Variants in NEGR1 observed in about 807,000 individuals in gnomAD.
NEGR1 encodes IgLON family member 4.
In NEGR1, 10 loss-of-function variants were observed where a neutral mutation model predicts 40.9. The ratio of observed to expected loss-of-function variants is 0.24; its 90% CI spans 0.15 to 0.42. NEGR1 has a LOEUF of 0.42. Ranked by LOEUF, NEGR1 falls within the 10% of genes least tolerant of loss-of-function variation. The probability of loss-of-function intolerance (pLI) is 1.00; values close to 1 mark genes in which losing one functional copy is unlikely to be tolerated. For synonymous variants in NEGR1, 185 were observed against 166.8 expected (o/e 1.11, Z -0.84); for missense variants, 352 against 438.9 (o/e 0.80, Z 1.77).
intron 1 of NEGR1, among the ~76,000 whole-genome samples, chr1:72,277,757 A>G (rs1041214541): frequency 1.3e-5 from 2 of 152,162 alleles, no homozygotes; most frequent in Non-Finnish European, 2.9e-5. Context: ...AGGTTTTAAA[A>G]TAGTGCCTTA....
At chr1:71,450,910 C>A (rs1646622929) in intron 6 of NEGR1, among the ~76,000 whole-genome samples, 1 of 151,784 alleles carries the variant, frequency 6.6e-6, no homozygotes, top group African/African-American at 2.4e-5. Flanking sequence ...ATATTACTTA[C>A]AGTGTGAAAA....
intron 6 of NEGR1, among the ~76,000 whole-genome samples, chr1:71,470,005 C>T (rs1224892751): frequency 6.6e-6 from 1 of 152,084 alleles, no homozygotes; most frequent in Non-Finnish European, 1.5e-5. Context: ...AGTCTTCCTA[C>T]TCTCAGATAG....
intron 1 of NEGR1, among the ~76,000 whole-genome samples, chr1:72,032,341 A>G (rs1646865564): frequency 6.6e-6 from 1 of 152,218 alleles, no homozygotes; most frequent in South Asian, 2.1e-4. Flanking sequence ...CGTAGTGCAC[A>G]GAATAATGGG....
At chr1:71,593,036 T>G in intron 5 of NEGR1, 68 bp from the exon 6 acceptor site, 1 of 1,218,158 alleles carries the variant, frequency 8.2e-7, no homozygotes, top group Non-Finnish European at 1.2e-6. Flanking sequence ...TTATCTTAGC[T>G]GGGGTTGTCA....
chr1:72,040,406 A>G lies in NEGR1; in HGVS notation c.177-105095T>C, dbSNP rs1053172542. On this transcript the variant is annotated intron_variant, in intron 1 of 6. Transcript: ENST00000357731. ...TTCCCTATGAGGACTGCATTCACAG[A>G]GCACAGAAGCCAGCACTTAAGCACC... Among the ~76,000 whole-genome samples, 3 of 151,696 alleles carry G rather than the reference A, an allele frequency of 2.0e-5. No homozygotes were observed. In the South Asian group the frequency reaches 6.2e-4, roughly 31 times the overall value.
chr1:72,216,989 C>T (rs1314745602), intron 1 of NEGR1, among the ~76,000 whole-genome samples: 2 of 151,266 alleles, frequency 1.3e-5, no homozygotes, highest in Non-Finnish European at 3.0e-5. Flanking sequence ...TTTTCTAATG[C>T]AGCTTTGTTA....
intron 2 of NEGR1, among the ~76,000 whole-genome samples, chr1:71,907,047 C>T (rs763702729): frequency 1.3e-5 from 2 of 152,162 alleles, no homozygotes; most frequent in Non-Finnish European, 2.9e-5. Flanking sequence ...CTTAGCTCTG[C>T]TACAGTCAGT....
At chr1:72,114,328 A>C (rs1433179504) in intron 1 of NEGR1, among the ~76,000 whole-genome samples, 1 of 151,682 alleles carries the variant, frequency 6.6e-6, no homozygotes, top group Non-Finnish European at 1.5e-5. Flanking sequence ...CCCAAGCAAG[A>C]AGAAATTCTG....
chr1:71,472,044 C>T (rs960988118), intron 6 of NEGR1, among the ~76,000 whole-genome samples: 1 of 152,140 alleles, frequency 6.6e-6, no homozygotes, highest in Non-Finnish European at 1.5e-5. Context: ...GTTGTTCTCT[C>T]ATACTGAAAT....
At chr1:72,247,705 A>T (rs1263026854) in intron 1 of NEGR1, among the ~76,000 whole-genome samples, 1 of 152,090 alleles carries the variant, frequency 6.6e-6, no homozygotes, top group Non-Finnish European at 1.5e-5. Context: ...TCTTCTTCTG[A>T]GCCCTCCAAA....
intron 2 of NEGR1, among the ~76,000 whole-genome samples, chr1:71,874,225 T>A (rs915050588): frequency 5.3e-5 from 8 of 152,192 alleles, no homozygotes; most frequent in Non-Finnish European, 1.0e-4. Flanking sequence ...AGCTTTTAGA[T>A]GACATTAATT....
At chr1:72,048,544 C>A (rs1400724655) in intron 1 of NEGR1, among the ~76,000 whole-genome samples, 2 of 151,446 alleles carry the variant, frequency 1.3e-5, no homozygotes, top group Non-Finnish European at 3.0e-5. Context: ...CAAAAGGGAA[C>A]CACTAAATAA....
chr1:72,015,116 A>AGT (rs1646697320), intron 1 of NEGR1, among the ~76,000 whole-genome samples: 1 of 151,568 alleles, frequency 6.6e-6, no homozygotes, highest in South Asian at 2.1e-4. Flanking sequence ...CAGTCACACT[A>AGT]ATGAGTTAAA....
At chr1:71,588,792 CTT>C in intron 6 of NEGR1, among the ~76,000 whole-genome samples, 1 of 152,190 alleles carries the variant, frequency 6.6e-6, no homozygotes, top group Non-Finnish European at 1.5e-5. Context: ...ATGATGGAGA[CTT>C]GCAGAAAAAC....
intron 1 of NEGR1, among the ~76,000 whole-genome samples, chr1:72,120,753 C>A (rs959066952): frequency 3.3e-5 from 5 of 151,802 alleles, no homozygotes; most frequent in Non-Finnish European, 7.4e-5. Flanking sequence ...GAGTGAGATG[C>A]TCATTTAACA....
At chr1:71,677,660 A>C (rs911630756) in intron 4 of NEGR1, among the ~76,000 whole-genome samples, 4 of 152,194 alleles carry the variant, frequency 2.6e-5, no homozygotes, top group Admixed American at 6.6e-5. Context: ...TTAAAATAAA[A>C]GCCTGTTTCA....
intron 6 of NEGR1, among the ~76,000 whole-genome samples, chr1:71,448,734 C>CA (rs1231879881): frequency 1.3e-5 from 2 of 152,136 alleles, no homozygotes; most frequent in Admixed American, 6.6e-5. Flanking sequence ...CACAGTCTGA[C>CA]AAAAACACAA....
At chr1:71,979,025 TA>T (rs201663147) in intron 1 of NEGR1, among the ~76,000 whole-genome samples, 6 of 150,896 alleles carry the variant, frequency 4.0e-5, no homozygotes, top group East Asian at 3.9e-4. Flanking sequence ...TAAACAGCGA[TA>T]AAAAAAAAGA....
At chr1:72,175,756 G>T (rs1652141772) in intron 1 of NEGR1, among the ~76,000 whole-genome samples, 1 of 151,640 alleles carries the variant, frequency 6.6e-6, no homozygotes, top group Non-Finnish European at 1.5e-5. Context: ...AATAATTTTA[G>T]AAGTATTACA....
Sources: gnomAD v4.1 joint callset for allele counts (sites outside exome capture counted in the v4.1 genomes callset) on GRCh38, gnomAD v4.1.1 for gene constraint, MANE v1.5 for transcripts, NCBI Gene and HGNC (gene_info 2026-07-23, HGNC 2026-07-21) for gene names.